SYT6: variants seen among roughly 807,000 people sequenced by gnomAD.
SYT6 encodes synaptotagmin-6.
A neutral mutation model predicts 38.4 loss-of-function variants in SYT6; 24 were observed. That is an observed-to-expected ratio of 0.62 (90% CI 0.45 to 0.88). SYT6 has a LOEUF of 0.88. Ranked by LOEUF, SYT6 falls within the 40% of genes least tolerant of loss-of-function variation. The probability of loss-of-function intolerance (pLI) is 0.00; values close to 1 mark genes in which losing one functional copy is unlikely to be tolerated. For synonymous variants in SYT6, 265 were observed against 241.9 expected (o/e 1.10, Z -0.89); for missense variants, 611 against 621.0 (o/e 0.98, Z 0.17).
At chr1:114,120,758 A>T (rs1438004001) in intron 3 of SYT6, among the ~76,000 whole-genome samples, 1 of 152,214 alleles carries the variant, frequency 6.6e-6, no homozygotes, top group Admixed American at 6.5e-5. Flanking sequence ...ATATAAAGGC[A>T]AGGTGACTTG....
Position 114,093,813 on chromosome 1 carries a change from T to C in SYT6, c.1516-10A>G, listed in dbSNP as rs2101617419. The C allele has an allele frequency of 1.9e-6, 3 of 1,614,034 alleles. No homozygotes were observed. The African/African-American group carries it at 4.0e-5, about 22-fold the overall frequency. On this transcript the variant is annotated splice_polypyrimidine_tract_variant and intron_variant, in intron 6 of 7. Transcript: ENST00000610222. ...ACAACCGAGGGTTTCCCTGGTGAAATATTTTAGATAAATAAATGCCTGGTT... is the reference window on the plus strand; with the variant it reads ...ACAACCGAGGGTTTCCCTGGTGAAACATTTTAGATAAATAAATGCCTGGTT...
rs72690087 is a variant in SYT6 at position 114,140,010 on chromosome 1, G to T, written c.164-47C>A. 0.12 allele frequency: 136,761 copies of T among 1,164,600 alleles called. 8,465 individuals are homozygous for T. Among genetic ancestry groups the T allele is most frequent in the Middle Eastern group, 0.15 (769 of 4,966 alleles). 72.1% of individuals were successfully genotyped at this position (1,164,600 alleles called of 1,614,324 possible). A position where few individuals can be genotyped will look rare whatever the true frequency, so the allele number is the denominator to read the frequency against. On this transcript the variant is annotated intron_variant, in intron 1 of 7. Transcript: ENST00000610222. ...CAGGGAGGGACAGACAGACAGAGGC[G>T]GGGAGAAGCGGGTGAGGGTGTTGGA...
chr1:114,140,158 G>C (rs2774303), intron 1 of SYT6, among the ~76,000 whole-genome samples, 195 bp from the exon 2 acceptor site: 114,142 of 151,928 alleles, frequency 0.75, 43,790 homozygotes, highest in African/African-American at 0.9. Flanking sequence ...GGTGGAGTAT[G>C]TACAGCCTTG....
At chr1:114,140,004 A>G in intron 1 of SYT6, 41 bp from the exon 2 acceptor site, 1 of 1,246,610 alleles carries the variant, frequency 8.0e-7, no homozygotes, top group South Asian at 1.5e-5. Context: ...ACAGACAGAC[A>G]GAGGCGGGGA....
chr1:114,141,635 C>G (rs1229034379), intron 1 of SYT6, among the ~76,000 whole-genome samples: 2 of 152,226 alleles, frequency 1.3e-5, no homozygotes, highest in East Asian at 3.8e-4. Context: ...CACTAAACAA[C>G]ACATTTTCAG....
rs80226246 is a variant in SYT6 at position 114,147,412 on chromosome 1, A to G, written c.163+6198T>C. Among the ~76,000 whole-genome samples, 1,051 of 152,350 alleles carry G rather than the reference A, an allele frequency of 6.9e-3. 15 individuals are homozygous for G. Among genetic ancestry groups the G allele is most frequent in the African/African-American group, 0.024 (996 of 41,584 alleles). On this transcript the variant is annotated intron_variant, in intron 1 of 7. Coordinates refer to ENST00000610222, the MANE Select transcript of SYT6 (RefSeq NM_001253772.2). ...AAGCCTATTGCTCAATATTCATTGT[A>G]AAATGTTTTCATTCAGGCATCAGAG... is the stretch of plus-strand genomic sequence containing the variant.
intron 3 of SYT6, among the ~76,000 whole-genome samples, chr1:114,129,029 T>A (rs902876239): frequency 6.6e-6 from 1 of 152,150 alleles, no homozygotes; most frequent in Non-Finnish European, 1.5e-5. Flanking sequence ...GTCCAAAAGG[T>A]ATCTCAAATA....
chr1:114,112,451 A>T (rs1348987352), intron 3 of SYT6, among the ~76,000 whole-genome samples: 2 of 152,346 alleles, frequency 1.3e-5, no homozygotes, highest in East Asian at 1.9e-4. Context: ...TTAGTATTTC[A>T]CACGCACCAT....
intron 6 of SYT6, 25 bp from the exon 7 acceptor site, chr1:114,093,828 A>G: frequency 6.2e-7 from 1 of 1,612,778 alleles, no homozygotes; most frequent in Non-Finnish European, 8.5e-7. Context: ...TAGATAAATA[A>G]ATGCCTGGTT....
At position 114,098,223 on chromosome 1, in the gene SYT6, C is replaced by T. The variant is rs569801644; in HGVS notation, c.1365-346G>A. The stretch of plus-strand genomic sequence containing the variant: ...AACCTCACTGAGACATCAGTATTTG[C>T]AAATAAATCGACAGTCTCTGAGCAC... On this transcript the variant is annotated intron_variant, in intron 5 of 7. Coordinates refer to ENST00000610222, the MANE Select transcript of SYT6 (RefSeq NM_001253772.2). Among the ~76,000 whole-genome samples the T allele has an allele frequency of 2.4e-4, 37 of 152,314 alleles. No individual in the cohort carries two copies. The South Asian group carries it at 7.3e-3, about 30-fold the overall frequency.
chr1:114,138,473 C>T (rs1369236088), intron 2 of SYT6, among the ~76,000 whole-genome samples: 3 of 152,156 alleles, frequency 2.0e-5, no homozygotes, highest in African/African-American at 7.2e-5. Context: ...ATCACCATCA[C>T]CATTTGTTAA....
intron 6 of SYT6, among the ~76,000 whole-genome samples, chr1:114,094,258 C>T (rs1675495431): frequency 6.6e-6 from 1 of 152,212 alleles, no homozygotes; most frequent in East Asian, 1.9e-4. Flanking sequence ...AGGAGGCTTA[C>T]AGTGGCTCTG....
In SYT6 at chr1:114,139,926, C is replaced by A; in HGVS notation, c.201G>T (p.Val67=). The change falls in exon 2 of 8, where the codon GTG becomes GTT. Residue 67 remains valine (V), a synonymous_variant. Transcript: ENST00000610222. ...SVSLLAVVVI[V]CGVALVAVFL... is the part of the protein sequence containing the mutation. ...AAACTGCCACCAGGGCCACGCCACA[C>A]ACAATAACTACAACTGCGAGGAGGC... 2.0e-6 allele frequency: 3 copies of A among 1,523,904 alleles called. No individual in the cohort carries two copies. Among genetic ancestry groups the A allele is most frequent in the Non-Finnish European group, 2.6e-6 (3 of 1,139,106 alleles). The allele number at this position is 1,523,904 out of a possible 1,614,324, so 94.4% of individuals were successfully genotyped here.
intron 3 of SYT6, among the ~76,000 whole-genome samples, chr1:114,119,602 G>A (rs1166960304): frequency 6.6e-6 from 1 of 152,148 alleles, no homozygotes; most frequent in Non-Finnish European, 1.5e-5. Context: ...TAAAGAGTGG[G>A]GAGATATGGC....
At chr1:114,129,817 C>T (rs1678031923) in intron 3 of SYT6, among the ~76,000 whole-genome samples, 1 of 148,694 alleles carries the variant, frequency 6.7e-6, no homozygotes, top group Non-Finnish European at 1.5e-5. Flanking sequence ...GCTGGGATTA[C>T]AGGCATGCAC....
At chr1:114,107,819 A>T (rs190950690) in intron 3 of SYT6, among the ~76,000 whole-genome samples, 3 of 152,148 alleles carry the variant, frequency 2.0e-5, no homozygotes, top group Non-Finnish European at 4.4e-5. Flanking sequence ...CCAGCCTTTT[A>T]TCCTCATTAG....
intron 6 of SYT6, among the ~76,000 whole-genome samples, chr1:114,097,355 G>C (rs1267741883): frequency 6.6e-6 from 1 of 152,214 alleles, no homozygotes; most frequent in Non-Finnish European, 1.5e-5. Flanking sequence ...GTTCTGACAG[G>C]GGTAGAATGT....
At chr1:114,151,822 CAG>C (rs780682580) in intron 1 of SYT6, among the ~76,000 whole-genome samples, 4 of 152,108 alleles carry the variant, frequency 2.6e-5, no homozygotes, top group Non-Finnish European at 4.4e-5. Context: ...ACCAGAGAAC[CAG>C]AGTCTTATAA....
At chr1:114,151,641 G>A (rs1679441176) in intron 1 of SYT6, among the ~76,000 whole-genome samples, 1 of 152,190 alleles carries the variant, frequency 6.6e-6, no homozygotes, top group African/African-American at 2.4e-5. Context: ...CCACAGGTAT[G>A]TTCTCACCCT....
Sources: gnomAD v4.1 joint callset for allele counts (sites outside exome capture counted in the v4.1 genomes callset) on GRCh38, gnomAD v4.1.1 for gene constraint, MANE v1.5 for transcripts, NCBI Gene and HGNC (gene_info 2026-07-23, HGNC 2026-07-21) for gene names.